Variants in ATP2B2 observed in about 807,000 individuals in gnomAD.
ATP2B2 encodes the protein ATPase plasma membrane Ca2+ transporting 2, also known as plasma membrane calcium-transporting ATPase 2.
ATP2B2 carries 15 observed loss-of-function variants against 120.0 expected under a neutral mutation model. That is an observed-to-expected ratio of 0.12 (90% CI 0.08 to 0.19). The LOEUF is 0.19. Among genes scored for constraint, ATP2B2 ranks in the 10% least tolerant of loss-of-function variants. The probability of loss-of-function intolerance (pLI) is 1.00; values close to 1 mark genes in which losing one functional copy is unlikely to be tolerated. For synonymous variants in ATP2B2, 694 were observed against 700.3 expected (o/e 0.99, Z 0.14); for missense variants, 1,045 against 1,719.8 (o/e 0.61, Z 6.94).
At chr3:10,352,506 G>A (rs767570473) in intron 14 of ATP2B2, among the ~76,000 whole-genome samples, 1 of 152,250 alleles carries the variant, frequency 6.6e-6, no homozygotes, top group Non-Finnish European at 1.5e-5. Context: ...CGGCTCTGTG[G>A]TGGCAGGTAG....
intron 2 of ATP2B2, among the ~76,000 whole-genome samples, chr3:10,538,696 C>T (rs1204321368): frequency 6.6e-6 from 1 of 152,200 alleles, no homozygotes; most frequent in African/African-American, 2.4e-5. Flanking sequence ...TTAAAACTCT[C>T]AATAAATTAG....
intron 1 of ATP2B2, among the ~76,000 whole-genome samples, chr3:10,665,412 T>C (rs563965670): frequency 1.4e-4 from 22 of 152,208 alleles, no homozygotes; most frequent in African/African-American, 4.6e-4. Context: ...TGCTGTCCCT[T>C]ACTAACCTCC....
chr3:10,565,182 G>A (rs1315969827), intron 2 of ATP2B2, among the ~76,000 whole-genome samples: 1 of 152,176 alleles, frequency 6.6e-6, no homozygotes, highest in Non-Finnish European at 1.5e-5. Context: ...ACCTCGTGGA[G>A]TAGAGCACTC....
intron 1 of ATP2B2, among the ~76,000 whole-genome samples, chr3:10,682,458 C>G (rs895582442): frequency 1.3e-5 from 2 of 152,234 alleles, no homozygotes; most frequent in Non-Finnish European, 2.9e-5. Context: ...GCCTCAGTTT[C>G]TTTGCTGTAA....
intron 2 of ATP2B2, among the ~76,000 whole-genome samples, chr3:10,421,419 G>A (rs539178382): frequency 5.9e-5 from 9 of 152,316 alleles, no homozygotes; most frequent in African/African-American, 2.2e-4. Context: ...AGCAGAGGAG[G>A]TCATGAGTGC....
intron 12 of ATP2B2, among the ~76,000 whole-genome samples, chr3:10,365,549 A>G (rs1159258185): frequency 6.6e-6 from 1 of 151,910 alleles, no homozygotes; most frequent in Non-Finnish European, 1.5e-5. Context: ...GCACTCCGGG[A>G]GAGTAGACCC....
chr3:10,664,860 T>C (rs1467611459), intron 1 of ATP2B2, among the ~76,000 whole-genome samples: 1 of 152,126 alleles, frequency 6.6e-6, no homozygotes, highest in Non-Finnish European at 1.5e-5. Flanking sequence ...CCCTCCCATC[T>C]CAGGAAAAGG....
intron 1 of ATP2B2, among the ~76,000 whole-genome samples, chr3:10,463,792 T>C (rs539682267): frequency 2.8e-4 from 43 of 152,296 alleles, no homozygotes; most frequent in African/African-American, 1.0e-3. Context: ...ATCCTTATGG[T>C]CCAGCCTTTG....
rs540014910 is a variant in ATP2B2, at chr3:10,326,817, G to A, written c.*1997C>T. 1.5e-5 allele frequency: 6 copies of A among 398,822 alleles called. No homozygotes were observed. The highest frequency in any genetic ancestry group is 4.4e-5 in the Admixed American group (1 of 22,696). The allele number at this position is 398,822 out of a possible 1,614,324, so 24.7% of individuals were successfully genotyped here. On this transcript the variant is annotated 3_prime_UTR_variant, in exon 23 of 23. Transcript: ENST00000360273. The stretch of plus-strand genomic sequence containing the variant: ...CCCCAAACCCTCAAGTTTTTCCACC[G>A]CCATCCAGATGTAGGCCCTCCCAGT...
intron 1 of ATP2B2, among the ~76,000 whole-genome samples, chr3:10,670,447 C>T (rs987147501): frequency 2.0e-5 from 3 of 152,122 alleles, no homozygotes; most frequent in Non-Finnish European, 4.4e-5. Flanking sequence ...GACAGAATTT[C>T]GCTCTTGTTG....
intron 2 of ATP2B2, among the ~76,000 whole-genome samples, chr3:10,551,748 G>T (rs2067674091): frequency 6.6e-6 from 1 of 152,102 alleles, no homozygotes; most frequent in Non-Finnish European, 1.5e-5. Flanking sequence ...AATTCCAAAA[G>T]CTACCTTGGT....
rs141085183 is a variant in ATP2B2, at chr3:10,408,654, C to T, written c.397+1964G>A. Among the ~76,000 whole-genome samples, 413 of 152,320 alleles carry T rather than the reference C, an allele frequency of 2.7e-3. 1 individual carries two copies. Among genetic ancestry groups the T allele is most frequent in the Non-Finnish European group, 4.4e-3 (301 of 68,028 alleles). The stretch of plus-strand genomic sequence containing the variant: ...CCTACAGTCTAACGTAGCTTTGTGA[C>T]CGCAGGCAAGTCCTTCCCCTCTCTG... On this transcript the variant is annotated intron_variant, in intron 3 of 22. Transcript: ENST00000360273.
chr3:10,419,676 T>C (rs890154859), intron 2 of ATP2B2, among the ~76,000 whole-genome samples: 5 of 152,202 alleles, frequency 3.3e-5, no homozygotes, highest in Admixed American at 2.0e-4. Flanking sequence ...TTGTAGATGG[T>C]AAAGTTGCTC....
intron 2 of ATP2B2, among the ~76,000 whole-genome samples, chr3:10,445,306 C>T (rs1157751034): frequency 2.7e-5 from 4 of 148,110 alleles, no homozygotes; most frequent in African/African-American, 1.1e-4. Flanking sequence ...TGAACTCTCG[C>T]AGTGTCCCTT....
At chr3:10,443,661 G>A (rs2063742759) in intron 2 of ATP2B2, among the ~76,000 whole-genome samples, 1 of 152,166 alleles carries the variant, frequency 6.6e-6, no homozygotes. Context: ...AGCATTTGAG[G>A]TCCTGGAGCC....
chr3:10,483,155 C>T (rs528587544), intron 1 of ATP2B2, among the ~76,000 whole-genome samples: 11 of 152,348 alleles, frequency 7.2e-5, no homozygotes, highest in Admixed American at 1.3e-4. Context: ...TCGGGGCCGA[C>T]AAAACTGCTG....
intron 4 of ATP2B2, among the ~76,000 whole-genome samples, chr3:10,401,411 T>C (rs1000790618): frequency 2.6e-5 from 4 of 152,204 alleles, no homozygotes; most frequent in Non-Finnish European, 5.9e-5. Context: ...GTCTCAGTTA[T>C]GGTTTAGGGG....
At chr3:10,640,307 TCCAGGGG>T (rs768565416) in intron 1 of ATP2B2, among the ~76,000 whole-genome samples, 3 of 152,144 alleles carry the variant, frequency 2.0e-5, no homozygotes, top group Non-Finnish European at 4.4e-5. Flanking sequence ...GACAGGGGTT[TCCAGGGG>T]ACAGACAGAC....
In ATP2B2 at chr3:10,585,379, C is replaced by T. The variant is rs145168348; in HGVS notation, c.-415+34538G>A. ...GTGTGATGGTGGGCGCCTGTAGTCC[C>T]AGCTACTCAGAGGCTGAGGCAGGAG... On this transcript the variant is annotated intron_variant, in intron 2 of 21. Coordinates refer to the ATP2B2 transcript ENST00000646379. Among the ~76,000 whole-genome samples the T allele has an allele frequency of 5.1e-3, 774 of 151,184 alleles. 9 individuals are homozygous for T. The highest frequency in any genetic ancestry group is 0.018 in the African/African-American group (733 of 41,034).
Sources: allele counts gnomAD v4.1 joint callset (sites outside exome capture counted in the v4.1 genomes callset), GRCh38; gene constraint gnomAD v4.1.1; transcripts MANE v1.5; gene names NCBI Gene and HGNC (gene_info 2026-07-23, HGNC 2026-07-21).